The following UAP1 variants were observed in gnomAD, a reference collection of about 807,000 sequenced individuals.
UAP1 encodes UDP-N-acetylhexosamine pyrophosphorylase.
Under a neutral mutation model 58.5 loss-of-function variants are expected in UAP1, and 25 were observed. That is an observed-to-expected ratio of 0.43 (90% confidence interval 0.31 to 0.60). The LOEUF (loss-of-function observed/expected upper bound fraction) is 0.60. Ranked by LOEUF, UAP1 falls within the 20% of genes least tolerant of loss-of-function variation. The probability of loss-of-function intolerance (pLI) is 0.11; values close to 1 mark genes in which losing one functional copy is unlikely to be tolerated. For synonymous variants in UAP1, 208 were observed against 213.0 expected (o/e 0.98, Z 0.21); for missense variants, 575 against 630.0 (o/e 0.91, Z 0.93).
At chr1:162,579,853 G>A (rs1160183098) in intron 4 of UAP1, among the ~76,000 whole-genome samples, 1 of 151,982 alleles carries the variant, frequency 6.6e-6, no homozygotes, top group East Asian at 1.9e-4. Context: ...TCTATAACAA[G>A]TATTTTATTT....
chr1:162,598,786 G>C (rs1655760230), intron 10 of UAP1, among the ~76,000 whole-genome samples: 1 of 152,178 alleles, frequency 6.6e-6, no homozygotes, highest in South Asian at 2.1e-4. Context: ...GGCCAAGGCA[G>C]GTAGATCATT....
At chr1:162,594,328 T>A (rs1194732680) in intron 9 of UAP1, among the ~76,000 whole-genome samples, 1 of 152,174 alleles carries the variant, frequency 6.6e-6, no homozygotes, top group East Asian at 1.9e-4. Context: ...GTTCACATTC[T>A]TAAGAGAATC....
chr1:162,566,237 A>C, exon 2 of UAP1: 1 of 1,614,164 alleles, frequency 6.2e-7, no homozygotes, highest in Non-Finnish European at 8.5e-7. Flanking sequence ...TGAAGGTTTT[A>C]ACCAGTCTTC....
chr1:162,574,033 G>A (rs546358367), intron 2 of UAP1, among the ~76,000 whole-genome samples: 3 of 150,954 alleles, frequency 2.0e-5, no homozygotes, highest in South Asian at 2.1e-4. Context: ...ACTAATAAAG[G>A]AAAAATAGAG....
At chr1:162,596,286 C>G (rs190970068) in intron 9 of UAP1, among the ~76,000 whole-genome samples, 66 of 152,238 alleles carry the variant, frequency 4.3e-4, no homozygotes, top group African/African-American at 1.5e-3. Context: ...AGCGATTCTC[C>G]TGCCTCAGCC....
chr1:162,599,233 A>G (rs12090991), intron 10 of UAP1, 38 bp from the exon 11 acceptor site: 32 of 1,496,966 alleles, frequency 2.1e-5, no homozygotes, highest in African/African-American at 2.1e-4. Flanking sequence ...GACAAGTGCA[A>G]ATTTTCTAAT....
intron 9 of UAP1, chr1:162,593,872 G>C (rs1173037748): frequency 1.3e-5 from 2 of 152,196 alleles, no homozygotes; most frequent in South Asian, 4.1e-4. Context: ...TGTCACCCAC[G>C]TGCTTTTTCC....
At chr1:162,588,949 A>G in intron 7 of UAP1, 116 bp downstream of exon 7, 1 of 1,040,112 alleles carries the variant, frequency 9.6e-7, no homozygotes, top group Non-Finnish European at 1.3e-6. Context: ...CTCACATGGC[A>G]TTTTGATTGT....
intron 2 of UAP1, among the ~76,000 whole-genome samples, chr1:162,572,611 A>G (rs1653936599): frequency 6.6e-6 from 1 of 152,270 alleles, no homozygotes; most frequent in Admixed American, 6.5e-5. Flanking sequence ...AATGTACTGT[A>G]TAAAAAGAAC....
chr1:162,565,948 G>T, intron 1 of UAP1, 64 bp from the exon 2 acceptor site: 1 of 1,032,862 alleles, frequency 9.7e-7, no homozygotes, highest in Non-Finnish European at 1.4e-6. Context: ...TTTTTAGAGG[G>T]GAAAAAAGCC....
At chr1:162,600,158 C>G (rs917463307), downstream of UAP1, among the ~76,000 whole-genome samples, 1 of 152,174 alleles carries the variant, frequency 6.6e-6, no homozygotes, top group African/African-American at 2.4e-5. Flanking sequence ...CTACAATGCA[C>G]AGGATGGTCT....
intron 8 of UAP1, among the ~76,000 whole-genome samples, chr1:162,592,067 G>A (rs980300481): frequency 1.3e-5 from 2 of 152,114 alleles, no homozygotes; most frequent in East Asian, 1.9e-4. Flanking sequence ...TATTCCTAAC[G>A]GATAAGATGG....
chr1:162,564,078 C>G (rs1653344951), intron 1 of UAP1, among the ~76,000 whole-genome samples: 1 of 152,126 alleles, frequency 6.6e-6, no homozygotes. Context: ...AAATCTGTTC[C>G]TCTCAAGTGT....
rs1020846278 is a variant in UAP1 at position 162,567,665 on chromosome 1, T to C, written c.280+1317T>C. Among the ~76,000 whole-genome samples, 6 of 152,228 alleles carry C rather than the reference T, an allele frequency of 3.9e-5. No homozygotes were observed. The East Asian group carries it at 1.2e-3, about 29-fold the overall frequency. Reference sequence around the variant, plus strand: ...TGAATGAGAACTTGGGCAAATACTTTCCTTAGCTTTTTAAGACATTATTTT... The same window carrying C: ...TGAATGAGAACTTGGGCAAATACTTCCCTTAGCTTTTTAAGACATTATTTT... On this transcript the variant is annotated intron_variant, in intron 2 of 10. Coordinates refer to ENST00000271469, the Ensembl canonical transcript of UAP1.
At chr1:162,595,337 C>T (rs1250041970) in intron 9 of UAP1, among the ~76,000 whole-genome samples, 5 of 152,192 alleles carry the variant, frequency 3.3e-5, no homozygotes, top group Non-Finnish European at 7.3e-5. Flanking sequence ...GTTCCTGCTA[C>T]ACTGAATCCT....
At chr1:162,587,217 A>G (rs927952149) in intron 5 of UAP1, among the ~76,000 whole-genome samples, 7 of 152,204 alleles carry the variant, frequency 4.6e-5, no homozygotes, top group Admixed American at 3.9e-4. Flanking sequence ...TGTGCTAGAT[A>G]TATGTATATG....
At chr1:162,580,798 CT>C (rs991027794) in intron 4 of UAP1, among the ~76,000 whole-genome samples, 1 of 152,138 alleles carries the variant, frequency 6.6e-6, no homozygotes, top group African/African-American at 2.4e-5. Context: ...TTATTTATAT[CT>C]CGTTTAAATC....
chr1:162,589,200 T>TTAA (rs1491445904), intron 7 of UAP1, among the ~76,000 whole-genome samples: 2 of 48,828 alleles, frequency 4.1e-5, no homozygotes, highest in Non-Finnish European at 8.5e-5. Flanking sequence ...TATTATATAT[T>TTAA]ATATTTAAAT....
At chr1:162,585,056 C>T (rs1240450398) in intron 5 of UAP1, among the ~76,000 whole-genome samples, 1 of 152,038 alleles carries the variant, frequency 6.6e-6, no homozygotes, top group African/African-American at 2.4e-5. Context: ...GCTGGGATTA[C>T]AGGCATGTGC....
Sources: allele counts gnomAD v4.1 joint callset (sites outside exome capture counted in the v4.1 genomes callset), GRCh38; gene constraint gnomAD v4.1.1; transcripts MANE v1.5; gene names NCBI Gene and HGNC (gene_info 2026-07-23, HGNC 2026-07-21).